Variants in KIF23 observed in about 807,000 individuals in gnomAD.
KIF23 encodes kinesin family member 23.
Under a neutral mutation model 137.5 loss-of-function variants are expected in KIF23, and 30 were observed. The observed-to-expected ratio is 0.22, with a 90% CI of 0.16 to 0.30. KIF23 has a LOEUF of 0.30. KIF23 is among the 10% of genes least tolerant of loss of function. KIF23 has a pLI of 1.00. For missense variants in KIF23, 920 were observed against 1,194.3 expected (o/e 0.77, Z 3.38); for synonymous variants, 367 against 391.1 (o/e 0.94, Z 0.73).
At chr15:69,441,801 C>G (rs1394282634) in intron 19 of KIF23, among the ~76,000 whole-genome samples, 2 of 151,712 alleles carry the variant, frequency 1.3e-5, no homozygotes, top group African/African-American at 4.8e-5. Context: ...CAGAGTCTCA[C>G]TCTGTCACCC....
chr15:69,447,335 A>G (rs2057762155), intron 23 of KIF23, among the ~76,000 whole-genome samples: 1 of 152,172 alleles, frequency 6.6e-6, no homozygotes, highest in Non-Finnish European at 1.5e-5. Context: ...TTGGTGTAGC[A>G]ATAGGTGTTC....
chr15:69,426,002 C>T, intron 8 of KIF23, 68 bp from the exon 9 acceptor site: 1 of 767,044 alleles, frequency 1.3e-6, no homozygotes, highest in Non-Finnish European at 1.9e-6. Context: ...GCGTTTTAGT[C>T]CTAGTCTTAA....
At chr15:69,427,760 A>G (rs2057237895) in intron 10 of KIF23, among the ~76,000 whole-genome samples, 1 of 152,230 alleles carries the variant, frequency 6.6e-6, no homozygotes, top group Admixed American at 6.5e-5. Context: ...AAACTGTATC[A>G]TGAAATTGTG....
Position 69,414,416 on chromosome 15 carries a change from G to A in KIF23, c.-50G>A. The A allele has an allele frequency of 6.4e-7, 1 of 1,568,358 alleles. No individual in the cohort carries two copies. Among genetic ancestry groups the A allele is most frequent in the Non-Finnish European group, 8.6e-7 (1 of 1,156,894 alleles). On this transcript the variant is annotated 5_prime_UTR_variant, in exon 1 of 24. Transcript: ENST00000679126. ...CCGGTCCTAACGTCCCGCAGTCTTC[G>A]CCAGCCAGCCGTCCCGCATGCGCGT...
Position 69,440,796 on chromosome 15 carries a change from C to T in KIF23, c.2138C>T (p.Ser713Phe), listed in dbSNP as rs548372407. 17 of 1,611,140 alleles carry T rather than the reference C, an allele frequency of 1.1e-5. No homozygotes were observed. The African/African-American group carries it at 2.0e-4, about 19-fold the overall frequency. Residue 713 changes from serine to phenylalanine, a missense_variant, in exon 19 of 24, where the codon TCC becomes TTC. Around this residue, in one of 4 missense-constraint regions of KIF23, gnomAD observed 714 missense variants for 866.2 expected, o/e 0.82. Transcript: ENST00000679126. ...PLSSNYIAQI[S>F]NGQQLMSQPQ... Reference sequence around the variant, plus strand: ...TCTAGTAACTATATTGCTCAGATTTCCAACGGCCAGCAACTCATGAGCCAG... The same window carrying T: ...TCTAGTAACTATATTGCTCAGATTTTCAACGGCCAGCAACTCATGAGCCAG...
At position 69,440,387 on chromosome 15, in the gene KIF23, C is replaced by T; in HGVS notation, c.2009C>T (p.Ala670Val). Residue 670 changes from alanine to valine, a missense_variant, in exon 18 of 24, where the codon GCT (alanine) becomes GTT (valine). Physicochemically the swap from Ala to Val is moderately conservative, Grantham distance 64 (BLOSUM62 0). Around this residue, in one of 4 missense-constraint regions of KIF23, gnomAD observed 714 missense variants for 866.2 expected, o/e 0.82. Transcript: ENST00000679126. ...GATGAAAAGCTGAAACAACTGAAGG[C>T]TATTGTTACCGAACCTAAAACTGAG... ...VKDEKLKQLK[A>V]IVTEPKTEKP... 1 of 1,613,938 alleles carries T rather than the reference C, an allele frequency of 6.2e-7. No individual in the cohort carries two copies. The highest frequency in any genetic ancestry group is 1.6e-4 in the Middle Eastern group (1 of 6,062).
At chr15:69,421,541 C>T in intron 3 of KIF23, 106 bp from the exon 4 acceptor site, 2 of 681,202 alleles carry the variant, frequency 2.9e-6, no homozygotes, top group Admixed American at 2.5e-5. Context: ...TTTTTCTTTG[C>T]ATGCTTAGAT....
Position 69,444,436 on chromosome 15 carries a change from A to G in KIF23, c.2422-354A>G, listed in dbSNP as rs2057699877. On this transcript the variant is annotated intron_variant, in intron 19 of 23. Transcript: ENST00000679126. This position sits in a 1 kb window ranked among gnomAD's most constrained non-coding sequence, Gnocchi z 4.2. ...TGAAGATTTTAACAGAGTTGTGGACATAATAGATTACCTCTCAATAGCAGG... is the reference window on the plus strand; with the variant it reads ...TGAAGATTTTAACAGAGTTGTGGACGTAATAGATTACCTCTCAATAGCAGG... 2 of 199,710 alleles carry G rather than the reference A, an allele frequency of 1.0e-5. No homozygotes were observed. The highest frequency in any genetic ancestry group is 1.1e-4 in the Admixed American group (2 of 17,834). The allele number at this position is 199,710 out of a possible 1,614,324, so 12.4% of individuals were successfully genotyped here. A position where few individuals can be genotyped will look rare whatever the true frequency, so the allele number is the denominator to read the frequency against.
chr15:69,422,804 C>CTT (rs113583800), intron 6 of KIF23: 331 of 212,856 alleles, frequency 1.6e-3, no homozygotes, highest in South Asian at 2.6e-3. Flanking sequence ...GGATCAGTTA[C>CTT]TTTTTTTTTT....
At position 69,419,055 on chromosome 15, in the gene KIF23, T is replaced by G. The variant is rs181476682; in HGVS notation, c.210+1544T>G. Among the ~76,000 whole-genome samples the G allele has an allele frequency of 2.1e-3, 314 of 152,292 alleles. 5 individuals are homozygous for G. The highest frequency in any genetic ancestry group is 4.6e-4 in the Non-Finnish European group (31 of 68,020). The stretch of plus-strand genomic sequence containing the variant: ...TCACTTGAACCCAGGAGGCGGAGGT[T>G]GCAGTGAGCCGAGATCGCGCCATTG... On this transcript the variant is annotated intron_variant, in intron 3 of 23. Coordinates refer to ENST00000679126, the MANE Select transcript of KIF23 (RefSeq NM_001367805.3).
chr15:69,427,295 A>T, intron 10 of KIF23: 1 of 414,792 alleles, frequency 2.4e-6, no homozygotes, highest in Admixed American at 3.0e-5. Context: ...CCTACAACTA[A>T]TCCCTCGAGG....
intron 3 of KIF23, 138 bp from the exon 4 acceptor site, chr15:69,421,509 A>G: frequency 5.2e-6 from 3 of 576,070 alleles, no homozygotes; most frequent in East Asian, 5.6e-5. Flanking sequence ...AAGGGTTCCA[A>G]CTGTAAAAAG....
Position 69,435,681 on chromosome 15 carries a change from C to T in KIF23, c.1224C>T (p.Thr408=). The part of the protein sequence containing the change: ...KMVPYRDSKL[T]HLFKNYFDGE... The stretch of plus-strand genomic sequence containing the variant: ...TTCCATATCGAGATTCAAAGTTAAC[C>T]CATCTGTTCAAGAACTACTTTGATG... Residue 408 remains threonine, a synonymous_variant, in exon 13 of 24, where the codon ACC becomes ACT. Transcript: ENST00000679126. 1 of 1,613,974 alleles carries T rather than the reference C, an allele frequency of 6.2e-7. No homozygotes were observed. Among genetic ancestry groups the T allele is most frequent in the African/African-American group, 1.3e-5 (1 of 74,992 alleles).
chr15:69,425,887 T>C (rs1339354851), intron 8 of KIF23, 183 bp from the exon 9 acceptor site: 1 of 181,368 alleles, frequency 5.5e-6, no homozygotes, highest in Non-Finnish European at 1.1e-5. Context: ...TATTTAGCTT[T>C]ACAATCTTAT....
chr15:69,424,448 G>A (rs2057138617), intron 7 of KIF23, among the ~76,000 whole-genome samples: 1 of 152,144 alleles, frequency 6.6e-6, no homozygotes, highest in Non-Finnish European at 1.5e-5. Context: ...TTTACCCTTG[G>A]AATGTTGGTA....
chr15:69,423,370 G>C, intron 7 of KIF23, 41 bp downstream of exon 7: 1 of 1,378,560 alleles, frequency 7.3e-7, no homozygotes, highest in Non-Finnish European at 9.7e-7. Flanking sequence ...GTTAATGTTG[G>C]GGAAGTTACT....
chr15:69,435,894 A>C, intron 13 of KIF23, 123 bp downstream of exon 13: 1 of 1,356,988 alleles, frequency 7.4e-7, no homozygotes, highest in Non-Finnish European at 1.0e-6. Flanking sequence ...TTGTAGAAGT[A>C]AACTAGGCTT....
chr15:69,427,772 C>T (rs2057238129), intron 10 of KIF23, among the ~76,000 whole-genome samples: 1 of 152,118 alleles, frequency 6.6e-6, no homozygotes, highest in African/African-American at 2.4e-5. Flanking sequence ...GAAATTGTGG[C>T]ATTATGAAGA....
intron 15 of KIF23, among the ~76,000 whole-genome samples, chr15:69,437,058 T>A (rs750422189): frequency 6.6e-6 from 1 of 152,282 alleles, no homozygotes; most frequent in Non-Finnish European, 1.5e-5. Flanking sequence ...CCCAGCCAAT[T>A]TGCAATAATT....
Sources: gnomAD v4.1 joint callset for allele counts (sites outside exome capture counted in the v4.1 genomes callset) on GRCh38, gnomAD v4.1.1 for gene constraint, gnomAD v4.1.1 regional missense constraint, Gnocchi (gnomAD v3.1) non-coding constraint, MANE v1.5 for transcripts, NCBI Gene and HGNC (gene_info 2026-07-23, HGNC 2026-07-21) for gene names.